ARID1B: variants seen among roughly 807,000 people sequenced by gnomAD.
ARID1B encodes the protein AT-rich interaction domain 1B, also known as AT-rich interactive domain-containing protein 1B.
Under a neutral mutation model 212.3 loss-of-function variants are expected in ARID1B, and 30 were observed. The ratio of observed to expected loss-of-function variants is 0.14; its 90% confidence interval spans 0.11 to 0.19. The LOEUF (loss-of-function observed/expected upper bound fraction) is 0.19, where lower values mean the gene tolerates loss of function less well. Ranked by LOEUF, ARID1B falls within the 10% of genes least tolerant of loss-of-function variation. The pLI is 1.00. For synonymous variants in ARID1B, 1,402 were observed against 1,301.7 expected (o/e 1.08, Z -1.66); for missense variants, 2,891 against 3,204.0 (o/e 0.90, Z 2.36).
chr6:156,836,910 TTGC>T (rs1170888732), intron 2 of ARID1B, among the ~76,000 whole-genome samples: 13 of 140,300 alleles, frequency 9.3e-5, no homozygotes, highest in African/African-American at 4.3e-4. Flanking sequence ...AGCGATCCAC[TTGC>T]CTTGGCCTCC....
chr6:156,841,375 T>A (rs1783890236), intron 2 of ARID1B, among the ~76,000 whole-genome samples: 1 of 152,168 alleles, frequency 6.6e-6, no homozygotes, highest in Non-Finnish European at 1.5e-5. Flanking sequence ...TTAGGTTGAA[T>A]TCTTAAAAAT....
chr6:156,922,863 T>C (rs1297599620), intron 3 of ARID1B, among the ~76,000 whole-genome samples: 1 of 152,192 alleles, frequency 6.6e-6, no homozygotes, highest in Non-Finnish European at 1.5e-5. Flanking sequence ...ATATGAGTTA[T>C]GGTCCCAGTG....
At chr6:156,946,969 T>C (rs1199811411) in intron 4 of ARID1B, among the ~76,000 whole-genome samples, 2 of 152,232 alleles carry the variant, frequency 1.3e-5, no homozygotes, top group African/African-American at 4.8e-5. Context: ...TTAGAATTGA[T>C]GTTGAAATAT....
At chr6:157,039,878 T>TCC (rs1296164311) in intron 4 of ARID1B, among the ~76,000 whole-genome samples, 1,304 of 91,852 alleles carry the variant, frequency 0.014, 49 homozygotes, top group East Asian at 0.025. Flanking sequence ...TTCTCTTTCT[T>TCC]TTCTCTTCCT....
intron 2 of ARID1B, among the ~76,000 whole-genome samples, chr6:156,836,289 T>C (rs936970583): frequency 1.1e-4 from 16 of 152,170 alleles, no homozygotes; most frequent in African/African-American, 3.9e-4. Context: ...TGCCCAAGGA[T>C]GCCCATATCA....
chr6:157,001,388 T>C (rs1259910741), intron 4 of ARID1B, among the ~76,000 whole-genome samples: 1 of 152,148 alleles, frequency 6.6e-6, no homozygotes, highest in East Asian at 1.9e-4. Context: ...ATATGAGAAG[T>C]GCAGGCTTTC....
chr6:157,139,108 A>T (rs1210477846), intron 7 of ARID1B, among the ~76,000 whole-genome samples: 2 of 152,244 alleles, frequency 1.3e-5, no homozygotes, highest in Non-Finnish European at 2.9e-5. Flanking sequence ...AAATCAACTT[A>T]AAATGAAAAA....
chr6:157,064,137 T>C (rs1208847599), intron 4 of ARID1B, among the ~76,000 whole-genome samples: 1 of 152,252 alleles, frequency 6.6e-6, no homozygotes, highest in Non-Finnish European at 1.5e-5. Context: ...CTGGATTCCC[T>C]ACCCTGTTGT....
intron 4 of ARID1B, among the ~76,000 whole-genome samples, chr6:157,042,942 T>G (rs908852007): frequency 6.6e-6 from 1 of 152,182 alleles, no homozygotes; most frequent in Non-Finnish European, 1.5e-5. Context: ...ATTACAGGCA[T>G]GAGCCACCGC....
chr6:156,995,869 A>G (rs1424551807), intron 4 of ARID1B, among the ~76,000 whole-genome samples: 1 of 152,200 alleles, frequency 6.6e-6, no homozygotes, highest in Non-Finnish European at 1.5e-5. Flanking sequence ...TGCGTCTTAT[A>G]TATTACATGG....
intron 2 of ARID1B, among the ~76,000 whole-genome samples, chr6:156,879,632 T>A (rs1363536069): frequency 6.6e-6 from 1 of 152,260 alleles, no homozygotes; most frequent in African/African-American, 2.4e-5. Context: ...CTTTTTCATA[T>A]AATGCTAAAC....
intron 3 of ARID1B, among the ~76,000 whole-genome samples, chr6:156,921,926 C>T (rs887293751): frequency 3.3e-5 from 5 of 151,982 alleles, no homozygotes; most frequent in Non-Finnish European, 7.4e-5. Context: ...AGAAATCAGA[C>T]AACTTTTGAG....
chr6:157,191,398 G>A (rs1793365243), intron 15 of ARID1B, among the ~76,000 whole-genome samples: 4 of 152,152 alleles, frequency 2.6e-5, no homozygotes, highest in African/African-American at 7.2e-5. Context: ...GAGTCCCTCT[G>A]GGGTGTGTCC....
At chr6:157,004,176 A>G (rs1779070570) in intron 4 of ARID1B, among the ~76,000 whole-genome samples, 1 of 152,168 alleles carries the variant, frequency 6.6e-6, no homozygotes. Flanking sequence ...CTAGGATTAC[A>G]GGTGTGAGCC....
chr6:156,988,121 G>C (rs1379205749), intron 4 of ARID1B, among the ~76,000 whole-genome samples: 1 of 152,178 alleles, frequency 6.6e-6, no homozygotes, highest in African/African-American at 2.4e-5. Context: ...ACTAGTTTTA[G>C]GGTGAAGGTA....
chr6:157,163,267 T>G (rs1032813113), intron 8 of ARID1B, among the ~76,000 whole-genome samples: 8 of 152,066 alleles, frequency 5.3e-5, no homozygotes, highest in African/African-American at 1.7e-4. Flanking sequence ...GGCATTGTAT[T>G]TTCAGCCCCA....
At chr6:156,837,053 A>G (rs1783563056) in intron 2 of ARID1B, among the ~76,000 whole-genome samples, 1 of 152,194 alleles carries the variant, frequency 6.6e-6, no homozygotes. Context: ...ATAACTACTG[A>G]CCCACATTCT....
rs142400885 is a variant in ARID1B at position 156,881,700 on chromosome 6, A to G, written c.1987-19676A>G. Among the ~76,000 whole-genome samples, 320 of 152,292 alleles carry G rather than the reference A, an allele frequency of 2.1e-3. 1 individual carries two copies. The highest frequency in any genetic ancestry group is 7.2e-3 in the African/African-American group (300 of 41,556). ...CCATTGTGGGGAAGTAGTTATAGCA[A>G]TAATTCCAAATGGTAGATATTCCTT... is the stretch of plus-strand genomic sequence containing the variant. On this transcript the variant is annotated intron_variant, in intron 2 of 19. Coordinates refer to ENST00000636930, the MANE Select transcript of ARID1B (RefSeq NM_001374828.1).
intron 4 of ARID1B, among the ~76,000 whole-genome samples, chr6:157,022,102 C>G (rs1381464637): frequency 6.6e-6 from 1 of 151,970 alleles, no homozygotes; most frequent in Admixed American, 6.5e-5. Context: ...AGGACGCCAG[C>G]AGGGCCGCGG....
Sources: allele counts gnomAD v4.1 joint callset (sites outside exome capture counted in the v4.1 genomes callset), GRCh38; gene constraint gnomAD v4.1.1; transcripts MANE v1.5; gene names NCBI Gene and HGNC (gene_info 2026-07-23, HGNC 2026-07-21).